Variants in H6PD observed in about 807,000 individuals in gnomAD.
H6PD encodes hexose-6-phosphate dehydrogenase/glucose 1-dehydrogenase.
In H6PD, 48 loss-of-function variants were observed where a neutral mutation model predicts 61.2. The observed-to-expected ratio is 0.78, with a 90% CI of 0.62 to 1.00. The LOEUF (loss-of-function observed/expected upper bound fraction) is 1.00, where lower values mean the gene tolerates loss of function less well. H6PD is among the 50% of genes least tolerant of loss of function. The probability of loss-of-function intolerance (pLI) is 0.00; values close to 1 mark genes in which losing one functional copy is unlikely to be tolerated. For missense variants in H6PD, 1,093 were observed against 1,065.0 expected, an observed-to-expected ratio of 1.03 and a Z score of -0.37; for synonymous variants, 480 against 457.9, an observed-to-expected ratio of 1.05 and a Z score of -0.62.
chr1:9,243,037 G>T (rs201450139), intron 1 of H6PD: 4 of 867,114 alleles, frequency 4.6e-6, no homozygotes, highest in East Asian at 2.4e-4. Context: ...GGAGCCACCC[G>T]TGTGGCCCTG....
rs1638460331 is a variant in H6PD at position 9,264,183 on chromosome 1, A to G, written c.1690A>G (p.Ile564Val). 6.2e-7 allele frequency: 1 copy of G among 1,611,700 alleles called. No individual in the cohort carries two copies. The highest frequency in any genetic ancestry group is 2.2e-5 in the East Asian group (1 of 44,836). Reference sequence around the variant, plus strand: ...GGTCTCCGCCTGGTCCGAGGAGCTGATCTCTAAGCTGGCTAATGACATCGA... The same window carrying G: ...GGTCTCCGCCTGGTCCGAGGAGCTGGTCTCTAAGCTGGCTAATGACATCGA... ...PLVSAWSEELISKLANDIEAT... is the reference protein window; with the variant it reads ...PLVSAWSEELVSKLANDIEAT... Residue 564 changes from isoleucine to valine, a missense_variant, in exon 5 of 5, where the codon ATC (isoleucine) becomes GTC (valine). Coordinates refer to ENST00000377403, the MANE Select transcript of H6PD (RefSeq NM_004285.4).
At chr1:9,239,560 G>T (rs1398816362) in intron 1 of H6PD, among the ~76,000 whole-genome samples, 1 of 152,202 alleles carries the variant, frequency 6.6e-6, no homozygotes, top group Non-Finnish European at 1.5e-5. Flanking sequence ...ACCTTGGGTT[G>T]GCTATTGTAA....
chr1:9,252,121 A>G (rs1364118324), intron 3 of H6PD, among the ~76,000 whole-genome samples: 1 of 152,186 alleles, frequency 6.6e-6, no homozygotes. Flanking sequence ...AAGGAGAGGC[A>G]GCGGCAGTGT....
chr1:9,260,836 C>A (rs1638244147), intron 3 of H6PD, among the ~76,000 whole-genome samples: 1 of 151,262 alleles, frequency 6.6e-6, no homozygotes, highest in South Asian at 2.1e-4. Context: ...GACATCTGCG[C>A]CTGGGGGTCT....
intron 3 of H6PD, among the ~76,000 whole-genome samples, chr1:9,258,473 C>T (rs1411638486): frequency 2.6e-5 from 4 of 151,952 alleles, no homozygotes; most frequent in East Asian, 1.9e-4. Flanking sequence ...GTTGTTACAC[C>T]GGTGTTGTAC....
In H6PD at chr1:9,265,725, C is replaced by T. The variant is rs987818645; in HGVS notation, c.*856C>T. On this transcript the variant is annotated 3_prime_UTR_variant, in exon 5 of 5. Transcript: ENST00000377403. ...CCCAGGCTGGTCTCAAACTCCTGGGCTCAAGCGATCCTCCCATCTCAGCCT... is the reference window on the plus strand; with the variant it reads ...CCCAGGCTGGTCTCAAACTCCTGGGTTCAAGCGATCCTCCCATCTCAGCCT... 1 of 152,426 alleles carries T rather than the reference C, an allele frequency of 6.6e-6. No individual in the cohort carries two copies. Among genetic ancestry groups the T allele is most frequent in the African/African-American group, 2.4e-5 (1 of 41,444 alleles). The allele number at this position is 152,426 out of a possible 1,614,324, so 9.4% of individuals were successfully genotyped here.
chr1:9,260,034 C>T (rs1474224993), intron 3 of H6PD, among the ~76,000 whole-genome samples: 1 of 148,608 alleles, frequency 6.7e-6, no homozygotes, highest in Non-Finnish European at 1.5e-5. Context: ...GGTGTTGTTG[C>T]ACTGCTGTTA....
chr1:9,235,015 G>C lies in H6PD; in HGVS notation c.-62G>C, dbSNP rs1426454207. 1 of 147,818 alleles carries C rather than the reference G, an allele frequency of 6.8e-6. No homozygotes were observed. Among genetic ancestry groups the C allele is most frequent in the Non-Finnish European group, 1.5e-5 (1 of 66,118 alleles). 9.2% of individuals were successfully genotyped at this position (147,818 alleles called of 1,614,324 possible). On this transcript the variant is annotated 5_prime_UTR_variant, in exon 1 of 5. Coordinates refer to ENST00000377403, the MANE Select transcript of H6PD (RefSeq NM_004285.4). ...CTCGGGAGCGGGCCCGGCCCTCAGC[G>C]CCGCCCCGGCCGTGTCCCGGAGGAG...
At position 9,267,652 on chromosome 1, in the gene H6PD, T is replaced by C. The variant is rs1468819260; in HGVS notation, c.*2783T>C. The C allele has an allele frequency of 2.0e-5, 3 of 152,220 alleles. No individual in the cohort carries two copies. Among genetic ancestry groups the C allele is most frequent in the Admixed American group, 2.0e-4 (3 of 15,264 alleles). The allele number at this position is 152,220 out of a possible 1,614,324, so 9.4% of individuals were successfully genotyped here. Reference sequence around the variant, plus strand: ...AATGCCAAAGGTCTACTTTCCAGAATCAAGTGCCTTCTGCAAATCATGTTG... The same window carrying C: ...AATGCCAAAGGTCTACTTTCCAGAACCAAGTGCCTTCTGCAAATCATGTTG... On this transcript the variant is annotated 3_prime_UTR_variant, in exon 5 of 5. Coordinates refer to ENST00000377403, the MANE Select transcript of H6PD (RefSeq NM_004285.4).
In H6PD at chr1:9,235,033, C is replaced by T. The variant is rs1186909082; in HGVS notation, c.-44C>T. On this transcript the variant is annotated 5_prime_UTR_variant, in exon 1 of 5. Coordinates refer to ENST00000377403, the MANE Select transcript of H6PD (RefSeq NM_004285.4). ...CCTCAGCGCCGCCCCGGCCGTGTCC[C>T]GGAGGAGCGGCCTGCGCCGCCGCGC... is the stretch of plus-strand genomic sequence containing the variant. 1 of 148,274 alleles carries T rather than the reference C, an allele frequency of 6.7e-6. No homozygotes were observed. Among genetic ancestry groups the T allele is most frequent in the African/African-American group, 2.4e-5 (1 of 40,918 alleles). The allele number at this position is 148,274 out of a possible 1,614,324, so 9.2% of individuals were successfully genotyped here. A position where few individuals can be genotyped will look rare whatever the true frequency, so the allele number is the denominator to read the frequency against.
Position 9,245,663 on chromosome 1 carries a change from T to A in H6PD, c.627+102T>A. 1 of 1,205,374 alleles carries A rather than the reference T, an allele frequency of 8.3e-7. No homozygotes were observed. Among genetic ancestry groups the A allele is most frequent in the Non-Finnish European group, 1.2e-6 (1 of 825,724 alleles). 74.7% of individuals were successfully genotyped at this position (1,205,374 alleles called of 1,614,324 possible). A position where few individuals can be genotyped will look rare whatever the true frequency, so the allele number is the denominator to read the frequency against. On this transcript the variant is annotated intron_variant, in intron 2 of 4. Coordinates refer to ENST00000377403, the MANE Select transcript of H6PD (RefSeq NM_004285.4). This position sits in a 1 kb window ranked among gnomAD's most constrained non-coding sequence, Gnocchi z 4.8. ...CATTGTGGAGCTAGGCCCCAAGGCA[T>A]TGTGAACTCAGAGCTCCCATGGTCT...
chr1:9,247,558 C>T (rs774863198), intron 3 of H6PD, among the ~76,000 whole-genome samples: 2 of 152,152 alleles, frequency 1.3e-5, no homozygotes, highest in Non-Finnish European at 2.9e-5. Context: ...CAGGCCCACT[C>T]CCCTCACCCT....
At chr1:9,253,229 C>G (rs1215782800) in intron 3 of H6PD, among the ~76,000 whole-genome samples, 1 of 152,162 alleles carries the variant, frequency 6.6e-6, no homozygotes, top group Non-Finnish European at 1.5e-5. Context: ...GGCGCACCCC[C>G]TGAAGCTTGA....
Position 9,262,039 on chromosome 1 carries a change from T to C in H6PD, c.746-20T>C, listed in dbSNP as rs1557748800. 1 of 1,613,928 alleles carries C rather than the reference T, an allele frequency of 6.2e-7. No homozygotes were observed. Among genetic ancestry groups the C allele is most frequent in the Admixed American group, 1.7e-5 (1 of 60,012 alleles). ...GGCCTCTCTTTAGATCCTCCCCACT[T>C]CTCCACCTCCCTCCACCAGGCCGCA... is the stretch of plus-strand genomic sequence containing the variant. On this transcript the variant is annotated intron_variant, in intron 3 of 4. Coordinates refer to ENST00000377403, the MANE Select transcript of H6PD (RefSeq NM_004285.4).
chr1:9,236,714 C>T (rs1640858900), intron 1 of H6PD, among the ~76,000 whole-genome samples: 1 of 150,082 alleles, frequency 6.7e-6, no homozygotes. Context: ...TGGGTGCTTA[C>T]TGTATGCCAG....
At chr1:9,240,561 G>A (rs559135162) in intron 1 of H6PD, among the ~76,000 whole-genome samples, 2 of 152,296 alleles carry the variant, frequency 1.3e-5, no homozygotes, top group East Asian at 1.9e-4. Flanking sequence ...AGGTTATGTG[G>A]TTGTTTAGAG....
At chr1:9,261,971 G>C (rs1638318481) in intron 3 of H6PD, 88 bp from the exon 4 acceptor site, 1 of 1,330,936 alleles carries the variant, frequency 7.5e-7, no homozygotes, top group Non-Finnish European at 1.1e-6. Context: ...GGATGAATGT[G>C]CGGGCTGGGG....
At chr1:9,235,172 C>T (rs1207218380) in intron 1 of H6PD, 106 bp downstream of exon 1, 1 of 151,632 alleles carries the variant, frequency 6.6e-6, no homozygotes, top group African/African-American at 2.4e-5. Flanking sequence ...GCGCTGCCAG[C>T]CCCACGGAGC....
chr1:9,264,206 C>T lies in H6PD; in HGVS notation c.1713C>T (p.Ile571=), dbSNP rs749706862. 6 of 1,610,562 alleles carry T rather than the reference C, an allele frequency of 3.7e-6. No individual in the cohort carries two copies. Among genetic ancestry groups the T allele is most frequent in the African/African-American group, 2.7e-5 (2 of 74,850 alleles). ...TGATCTCTAAGCTGGCTAATGACAT[C>T]GAGGCCACCGCTGTGCGAGCCGTGC... is the stretch of plus-strand genomic sequence containing the variant. The part of the protein sequence containing the change: ...EELISKLAND[I]EATAVRAVRR... Residue 571 remains isoleucine, a synonymous_variant, in exon 5 of 5, where the codon ATC becomes ATT. Coordinates refer to ENST00000377403, the MANE Select transcript of H6PD (RefSeq NM_004285.4).
Sources: allele counts gnomAD v4.1 joint callset (sites outside exome capture counted in the v4.1 genomes callset), GRCh38; gene constraint gnomAD v4.1.1; non-coding constraint Gnocchi (gnomAD v3.1); transcripts MANE v1.5; gene names NCBI Gene and HGNC (gene_info 2026-07-23, HGNC 2026-07-21).